RPN2: variants seen among roughly 807,000 people sequenced by gnomAD.
RPN2 encodes dolichyl-diphosphooligosaccharide--protein glycosyltransferase subunit 2.
In RPN2, 29 loss-of-function variants were observed where a neutral mutation model predicts 71.4. The observed-to-expected ratio is 0.41, with a 90% confidence interval of 0.30 to 0.55. RPN2 has a LOEUF of 0.55. RPN2 is among the 20% of genes least tolerant of loss of function. The pLI is 0.35. For synonymous variants in RPN2, 308 were observed against 305.0 expected, an observed-to-expected ratio of 1.01 and a Z score of -0.10; for missense variants, 726 against 774.1, an observed-to-expected ratio of 0.94 and a Z score of 0.74.
At chr20:37,209,538 A>G (rs867306431) in intron 7 of RPN2, among the ~76,000 whole-genome samples, 2 of 151,812 alleles carry the variant, frequency 1.3e-5, no homozygotes, top group Middle Eastern at 3.4e-3. Flanking sequence ...TGGCGCAATC[A>G]TAGCTCATGC....
chr20:37,236,762 C>A, intron 16 of RPN2, 53 bp downstream of exon 16: 2 of 1,575,124 alleles, frequency 1.3e-6, no homozygotes, highest in Non-Finnish European at 1.7e-6. Context: ...ATACTCAGCT[C>A]TGCCGGCCTA....
Position 37,223,058 on chromosome 20 carries a change from T to A in RPN2, c.1093-820T>A, listed in dbSNP as rs533558180. Among the ~76,000 whole-genome samples, 4 of 152,348 alleles carry A rather than the reference T, an allele frequency of 2.6e-5. 1 individual carries two copies. The highest frequency in any genetic ancestry group is 9.6e-5 in the African/African-American group (4 of 41,586). On this transcript the variant is annotated intron_variant, in intron 9 of 16. Coordinates refer to ENST00000237530, the MANE Select transcript of RPN2 (RefSeq NM_002951.5). ...TGGAGGCTCTGCTTCATGATATCTTTGCTCCAGGACCCTGGCTGAAGGAGC... is the reference window on the plus strand; with the variant it reads ...TGGAGGCTCTGCTTCATGATATCTTAGCTCCAGGACCCTGGCTGAAGGAGC...
At chr20:37,224,517 A>G (rs2068032758) in intron 10 of RPN2, among the ~76,000 whole-genome samples, 1 of 152,178 alleles carries the variant, frequency 6.6e-6, no homozygotes, top group Non-Finnish European at 1.5e-5. Context: ...TCCCAAGTCC[A>G]TGGAGGCAGT....
chr20:37,191,825 T>C (rs529856628), intron 2 of RPN2, among the ~76,000 whole-genome samples: 1 of 152,282 alleles, frequency 6.6e-6, no homozygotes, highest in South Asian at 2.1e-4. Context: ...CTTATGCCTG[T>C]AATTCCAGCA....
Position 37,191,160 on chromosome 20 carries a change from A to G in RPN2, c.207+6787A>G, listed in dbSNP as rs926930019. ...ACTATGGAGACAGCAGTGTGGAATG[A>G]GAGTTGATTTTAGGTGTTATAAAGT... On this transcript the variant is annotated intron_variant, in intron 2 of 16. Coordinates refer to ENST00000237530, the MANE Select transcript of RPN2 (RefSeq NM_002951.5). 6.6e-5 allele frequency among the ~76,000 whole-genome samples: 10 copies of G among 152,238 alleles called. No homozygotes were observed. The East Asian group carries it at 1.9e-3, about 29-fold the overall frequency.
At chr20:37,217,172 T>C (rs974421596) in intron 9 of RPN2, among the ~76,000 whole-genome samples, 1 of 151,874 alleles carries the variant, frequency 6.6e-6, no homozygotes, top group African/African-American at 2.4e-5. Context: ...GCTCAAGCGA[T>C]CTGCCCACCT....
chr20:37,225,932 A>T, intron 11 of RPN2, 130 bp downstream of exon 11: 1 of 725,692 alleles, frequency 1.4e-6, no homozygotes, highest in Non-Finnish European at 2.5e-6. Flanking sequence ...GAACCCTGAC[A>T]GTCCATCAGG....
intron 9 of RPN2, among the ~76,000 whole-genome samples, chr20:37,217,846 G>A (rs1225778139): frequency 6.6e-6 from 1 of 151,834 alleles, no homozygotes; most frequent in African/African-American, 2.4e-5. Flanking sequence ...TGATTCTCCT[G>A]CCTCAGCCTT....
chr20:37,209,855 C>T (rs1201017636), intron 7 of RPN2, among the ~76,000 whole-genome samples, 192 bp from the exon 8 acceptor site: 2 of 151,912 alleles, frequency 1.3e-5, no homozygotes, highest in African/African-American at 4.8e-5. Context: ...ATATATTGGC[C>T]AGGTGTGGTG....
chr20:37,223,256 G>A (rs1037817189), intron 9 of RPN2, among the ~76,000 whole-genome samples: 4 of 152,230 alleles, frequency 2.6e-5, no homozygotes, highest in African/African-American at 4.8e-5. Context: ...AGAATGAGAA[G>A]TACTTGGGCA....
rs1172020739 is a variant in RPN2 at position 37,213,788 on chromosome 20, G to A, written c.1015G>A (p.Val339Ile). 8.1e-6 allele frequency: 13 copies of A among 1,613,974 alleles called. No individual in the cohort carries two copies. The highest frequency in any genetic ancestry group is 2.2e-5 in the East Asian group (1 of 44,886). The part of the protein sequence containing the change: ...GDVFELNFMN[V>I]KFSSGYYDFL... ...TGTTTTTGAACTAAATTTCATGAAC[G>A]TCAAATTTTCCAGTGGTTATTATGA... Residue 339 changes from valine (V) to isoleucine (I), a missense_variant, in exon 9 of 17, where the codon GTC becomes ATC. By Grantham distance (29) the Val-to-Ile change is conservative. Transcript: ENST00000237530.
At chr20:37,201,152 T>TG (rs1319845887) in intron 4 of RPN2, among the ~76,000 whole-genome samples, 1 of 151,876 alleles carries the variant, frequency 6.6e-6, no homozygotes, top group Non-Finnish European at 1.5e-5. Context: ...GCCTGGTTCT[T>TG]GGTGGGCGTG....
At position 37,216,521 on chromosome 20, in the gene RPN2, G is replaced by T. The variant is rs369316752; in HGVS notation, c.1092+2656G>T. On this transcript the variant is annotated intron_variant, in intron 9 of 16. Transcript: ENST00000237530. ...CTGTCACTCAGGCTGGAGTATAGTG[G>T]TGCCATCTTGGCTCACTGCAGCCTC... is the stretch of plus-strand genomic sequence containing the variant. 8.6e-5 allele frequency among the ~76,000 whole-genome samples: 13 copies of T among 152,016 alleles called. No homozygotes were observed. The South Asian group carries it at 2.5e-3, about 29-fold the overall frequency.
chr20:37,185,755 G>C (rs1167899203), intron 2 of RPN2, among the ~76,000 whole-genome samples: 2 of 152,218 alleles, frequency 1.3e-5, no homozygotes. Context: ...AGCTTCCTGA[G>C]TACCTGGGAC....
At chr20:37,207,792 G>A (rs1188219603) in intron 7 of RPN2, among the ~76,000 whole-genome samples, 1 of 151,962 alleles carries the variant, frequency 6.6e-6, no homozygotes, top group East Asian at 2.0e-4. Context: ...AGTGATTCTT[G>A]TGCCTCAGTC....
chr20:37,220,998 T>G (rs2067940566), intron 9 of RPN2, among the ~76,000 whole-genome samples: 3 of 152,208 alleles, frequency 2.0e-5, no homozygotes, highest in Admixed American at 1.3e-4. Context: ...CAGTTTGCCC[T>G]TTGCTCACTC....
At chr20:37,202,491 A>T (rs1222937820) in intron 4 of RPN2, among the ~76,000 whole-genome samples, 1 of 152,194 alleles carries the variant, frequency 6.6e-6, no homozygotes, top group Non-Finnish European at 1.5e-5. Context: ...GGGCCCAGTC[A>T]TCTCTTAGGA....
intron 16 of RPN2, 51 bp from the exon 17 acceptor site, chr20:37,241,252 C>T: frequency 6.2e-7 from 1 of 1,607,798 alleles, no homozygotes; most frequent in Non-Finnish European, 8.5e-7. Flanking sequence ...GGAACTGTAA[C>T]TGTGAACTGA....
At chr20:37,207,899 G>T (rs1289345403) in intron 7 of RPN2, among the ~76,000 whole-genome samples, 1 of 151,976 alleles carries the variant, frequency 6.6e-6, no homozygotes, top group Non-Finnish European at 1.5e-5. Flanking sequence ...CCAGGCTGGT[G>T]TTGAACTCCT....
Sources: gnomAD v4.1 joint callset for allele counts (sites outside exome capture counted in the v4.1 genomes callset) on GRCh38, gnomAD v4.1.1 for gene constraint, MANE v1.5 for transcripts, NCBI Gene and HGNC (gene_info 2026-07-23, HGNC 2026-07-21) for gene names.